Variants in MAMLD1 observed in about 807,000 individuals in gnomAD.
MAMLD1 encodes the protein mastermind like domain containing 1, also known as mastermind-like domain-containing protein 1.
MAMLD1 carries 14 observed loss-of-function variants against 45.0 expected under a neutral mutation model. The ratio of observed to expected loss-of-function variants is 0.31; its 90% CI spans 0.21 to 0.49. The LOEUF (loss-of-function observed/expected upper bound fraction) is 0.49. MAMLD1 is among the 20% of genes least tolerant of loss of function. The probability of loss-of-function intolerance (pLI) is 0.99; values close to 1 mark genes in which losing one functional copy is unlikely to be tolerated. For missense variants in MAMLD1, 543 were observed against 603.6 expected, an observed-to-expected ratio of 0.90 and a Z score of 1.05; for synonymous variants, 254 against 247.8, an observed-to-expected ratio of 1.02 and a Z score of -0.24.
chrX:150,494,597 G>A (rs973232672), intron 5 of MAMLD1, among the ~76,000 whole-genome samples: 6 of 109,798 alleles, frequency 5.5e-5, no homozygotes, highest in African/African-American at 1.7e-4. Flanking sequence ...CCTTAGTGGC[G>A]GGGCCGGGTA....
intron 1 of MAMLD1, among the ~76,000 whole-genome samples, chrX:150,402,420 C>A (rs2033811754): frequency 9.2e-6 from 1 of 108,739 alleles, no homozygotes; most frequent in Non-Finnish European, 1.9e-5. Flanking sequence ...AGTCAGGAAA[C>A]AACAGGTGCT....
rs782507885 is a variant in MAMLD1 at position 150,504,454 on chromosome X, CT to C, written c.2284+938del. 1.3e-4 allele frequency: 98 copies of C among 746,017 alleles called. 1 individual carries two copies. In the African/African-American group the frequency reaches 2.2e-3, roughly 16 times the overall value. 61.5% of individuals were successfully genotyped at this position (746,017 alleles called of 1,213,427 possible). A position where few individuals can be genotyped will look rare whatever the true frequency, so the allele number is the denominator to read the frequency against. ...TTCTCTTTATCCTGCCTGCCCTGGC[CT>C]GGAAGAACAAGCAGTGCTTTCCTTT... On this transcript the variant is annotated intron_variant, in intron 6 of 7. Transcript: ENST00000370401.
chrX:150,495,116 G>A (rs781793700), intron 5 of MAMLD1, among the ~76,000 whole-genome samples: 22 of 111,497 alleles, frequency 2.0e-4, no homozygotes, highest in Non-Finnish European at 3.8e-4. Flanking sequence ...TGAGGCAGGA[G>A]AATCCCTTCA....
rs900142409 is a variant in MAMLD1, at chrX:150,513,281, C to T, written c.*1322C>T. The T allele has an allele frequency of 1.0e-4, 41 of 399,376 alleles. No homozygotes were observed. The highest frequency in any genetic ancestry group is 2.6e-5 in the Non-Finnish European group (6 of 233,706). 32.9% of individuals were successfully genotyped at this position (399,376 alleles called of 1,213,427 possible). On this transcript the variant is annotated 3_prime_UTR_variant, in exon 8 of 8. Coordinates refer to ENST00000370401, the MANE Select transcript of MAMLD1 (RefSeq NM_005491.5). ...AAATTTTGTAAATGGTTTTCCTAAA[C>T]ATTAATGACAGAAGTATTTATACTT... is the stretch of plus-strand genomic sequence containing the variant.
intron 5 of MAMLD1, among the ~76,000 whole-genome samples, chrX:150,492,077 C>A: frequency 8.9e-6 from 1 of 112,928 alleles, no homozygotes; most frequent in Non-Finnish European, 1.9e-5. Context: ...GCTCCAGAGC[C>A]TTTGGATTGA....
intron 3 of MAMLD1, among the ~76,000 whole-genome samples, chrX:150,466,328 G>T (rs1283635461): frequency 9.8e-5 from 11 of 112,634 alleles, no homozygotes; most frequent in African/African-American, 3.5e-4. Flanking sequence ...TTCAGCCAGG[G>T]CACTTCAGGC....
chrX:150,432,010 G>GA (rs1258220588), intron 1 of MAMLD1, among the ~76,000 whole-genome samples: 1 of 110,962 alleles, frequency 9.0e-6, no homozygotes, highest in African/African-American at 3.3e-5. Context: ...TTTTTGTTCT[G>GA]TAGATGTCTA....
intron 1 of MAMLD1, among the ~76,000 whole-genome samples, chrX:150,414,280 C>A (rs1243688794): frequency 9.0e-6 from 1 of 111,448 alleles, no homozygotes; most frequent in African/African-American, 3.3e-5. Context: ...GTTAGAATAG[C>A]TTACCTTTTT....
At chrX:150,469,635 G>GTCTCTC (rs781945210) in intron 3 of MAMLD1, 110 bp from the exon 4 acceptor site, 1 of 376,526 alleles carries the variant, frequency 2.7e-6, no homozygotes, top group Non-Finnish European at 4.6e-6. Context: ...CTTTCTCTCT[G>GTCTCTC]TCTCTCTCTC....
intron 1 of MAMLD1, among the ~76,000 whole-genome samples, chrX:150,366,347 TAC>T (rs1470873677): frequency 5.4e-5 from 6 of 112,112 alleles, no homozygotes; most frequent in Admixed American, 1.9e-4. Context: ...TCAACGCGCA[TAC>T]ACACATCCCA....
At chrX:150,474,317 G>A (rs2036518613) in intron 5 of MAMLD1, among the ~76,000 whole-genome samples, 1 of 112,738 alleles carries the variant, frequency 8.9e-6, no homozygotes, top group African/African-American at 3.2e-5. Flanking sequence ...CATGCATGGG[G>A]CACTGCCTCT....
chrX:150,445,551 G>A lies in MAMLD1; in HGVS notation c.35G>A (p.Ser12Asn), dbSNP rs1557404749. The part of the protein sequence containing the change: ...DDWKSRLVIK[S>N]MLPHFAMVGN... The stretch of plus-strand genomic sequence containing the variant: ...TGGAAAAGTCGGCTTGTAATCAAGA[G>A]CATGCTTCCCCATTTCGCCATGGTG... Residue 12 changes from serine (S) to asparagine (N), a missense_variant, in exon 2 of 8, where the codon AGC becomes AAC. By Grantham distance (46) the Ser-to-Asn change is conservative. Coordinates refer to ENST00000370401, the MANE Select transcript of MAMLD1 (RefSeq NM_005491.5). The A allele has an allele frequency of 8.3e-7, 1 of 1,211,184 alleles. No homozygotes were observed. Among genetic ancestry groups the A allele is most frequent in the Non-Finnish European group, 1.1e-6 (1 of 895,161 alleles).
At chrX:150,496,614 G>A (rs1056687601) in intron 5 of MAMLD1, among the ~76,000 whole-genome samples, 24 of 112,176 alleles carry the variant, frequency 2.1e-4, no homozygotes, top group African/African-American at 7.1e-4. Flanking sequence ...GCCACAGGCC[G>A]TTGTTGGCTA....
At chrX:150,499,563 A>G (rs636582) in intron 5 of MAMLD1, among the ~76,000 whole-genome samples, 37,866 of 110,143 alleles carry the variant, frequency 0.34, 4,723 homozygotes, top group East Asian at 0.51. Flanking sequence ...TTCAGTATGA[A>G]AGAAGGAGGA....
chrX:150,490,881 T>C (rs1183176661), intron 5 of MAMLD1, among the ~76,000 whole-genome samples: 3 of 112,266 alleles, frequency 2.7e-5, no homozygotes, highest in African/African-American at 6.5e-5. Flanking sequence ...TGGTTCAGTC[T>C]ATGAAAAGCA....
intron 6 of MAMLD1, among the ~76,000 whole-genome samples, chrX:150,506,892 G>T (rs782482704): frequency 8.9e-6 from 1 of 112,521 alleles, no homozygotes; most frequent in African/African-American, 3.2e-5. Context: ...GCTCCCTGGC[G>T]TCAGCCTAAA....
chrX:150,378,851 C>A (rs1463341656), intron 1 of MAMLD1, among the ~76,000 whole-genome samples: 1 of 111,069 alleles, frequency 9.0e-6, no homozygotes, highest in African/African-American at 3.3e-5. Flanking sequence ...CTGAGCGCGC[C>A]CTTAATTTCT....
At chrX:150,382,304 G>A (rs958390232) in intron 1 of MAMLD1, among the ~76,000 whole-genome samples, 1 of 111,106 alleles carries the variant, frequency 9.0e-6, no homozygotes, top group East Asian at 2.8e-4. Flanking sequence ...ATTTTTATGG[G>A]TCTATTTCTG....
chrX:150,402,130 A>G (rs1287790781), intron 1 of MAMLD1, among the ~76,000 whole-genome samples: 3 of 111,224 alleles, frequency 2.7e-5, no homozygotes, highest in African/African-American at 6.6e-5. Flanking sequence ...CAGAGTGAAC[A>G]GGCAACCTAC....
Sources: gnomAD v4.1 joint callset for allele counts (sites outside exome capture counted in the v4.1 genomes callset) on GRCh38, gnomAD v4.1.1 for gene constraint, MANE v1.5 for transcripts, NCBI Gene and HGNC (gene_info 2026-07-23, HGNC 2026-07-21) for gene names.